MTUS2: variants seen among roughly 807,000 people sequenced by gnomAD.
The protein encoded by MTUS2 is microtubule associated scaffold protein 2, also known as microtubule-associated tumor suppressor candidate 2.
In MTUS2, 40 loss-of-function variants were observed where a neutral mutation model predicts 114.1. The observed-to-expected ratio is 0.35, with a 90% CI of 0.27 to 0.46. The LOEUF (loss-of-function observed/expected upper bound fraction) is 0.46, where lower values mean the gene tolerates loss of function less well. Among genes scored for constraint, MTUS2 ranks in the 20% least tolerant of loss-of-function variants. The probability of loss-of-function intolerance (pLI) is 1.00; values close to 1 mark genes in which losing one functional copy is unlikely to be tolerated. For synonymous variants in MTUS2, 688 were observed against 672.0 expected, an observed-to-expected ratio of 1.02 and a Z score of -0.37; for missense variants, 1,679 against 1,705.4, an observed-to-expected ratio of 0.98 and a Z score of 0.27.
At chr13:28,823,031 A>G (rs1450024336) in intron 1 of MTUS2, among the ~76,000 whole-genome samples, 1 of 151,992 alleles carries the variant, frequency 6.6e-6, no homozygotes, top group African/African-American at 2.4e-5. Flanking sequence ...GGAGGTGGAG[A>G]AGAGTGGAAA....
chr13:29,139,993 C>T (rs1036635263), intron 5 of MTUS2, among the ~76,000 whole-genome samples: 4 of 152,132 alleles, frequency 2.6e-5, no homozygotes, highest in Non-Finnish European at 5.9e-5. Flanking sequence ...AATCGAAACA[C>T]GAGGTTGTCT....
chr13:29,404,701 G>A (rs528582549), intron 8 of MTUS2, among the ~76,000 whole-genome samples: 22 of 152,154 alleles, frequency 1.4e-4, no homozygotes, highest in Non-Finnish European at 2.8e-4. Context: ...TAAACACAAA[G>A]TATAAACAGA....
intron 5 of MTUS2, among the ~76,000 whole-genome samples, chr13:29,134,029 C>T (rs1403257060): frequency 6.6e-6 from 1 of 152,116 alleles, no homozygotes; most frequent in Non-Finnish European, 1.5e-5. Flanking sequence ...CATATGGCTA[C>T]AAATTTGCCC....
intron 8 of MTUS2, among the ~76,000 whole-genome samples, chr13:29,415,712 T>C (rs1416729504): frequency 6.6e-6 from 1 of 152,216 alleles, no homozygotes; most frequent in Admixed American, 6.5e-5. Context: ...GTATAGCTGA[T>C]ATGTTTGGTC....
At chr13:29,105,212 C>T (rs1439293029) in intron 5 of MTUS2, among the ~76,000 whole-genome samples, 1 of 152,198 alleles carries the variant, frequency 6.6e-6, no homozygotes, top group East Asian at 1.9e-4. Flanking sequence ...ATAAGGGATA[C>T]TCAACCTGTA....
chr13:29,116,845 C>T (rs977141517), intron 5 of MTUS2, among the ~76,000 whole-genome samples: 1 of 152,134 alleles, frequency 6.6e-6, no homozygotes, highest in Non-Finnish European at 1.5e-5. Context: ...TTTCATCTTG[C>T]TACTCAGAAT....
chr13:28,984,204 G>A (rs1479670966), intron 2 of MTUS2, among the ~76,000 whole-genome samples: 2 of 152,214 alleles, frequency 1.3e-5, no homozygotes, highest in African/African-American at 4.8e-5. Context: ...TGCTCAGGCA[G>A]GAAGGGAGGG....
chr13:29,197,318 G>T (rs1894744600), intron 5 of MTUS2, among the ~76,000 whole-genome samples: 1 of 152,136 alleles, frequency 6.6e-6, no homozygotes, highest in Non-Finnish European at 1.5e-5. Flanking sequence ...AGAACATGCG[G>T]TGGTTGGTTT....
intron 5 of MTUS2, among the ~76,000 whole-genome samples, chr13:29,185,213 C>G (rs564049556): frequency 6.6e-6 from 1 of 151,764 alleles, no homozygotes; most frequent in East Asian, 1.9e-4. Context: ...GAAGACAGAT[C>G]AATTGAGATT....
At chr13:29,465,675 A>G (rs1017087847) in intron 9 of MTUS2, among the ~76,000 whole-genome samples, 3 of 152,110 alleles carry the variant, frequency 2.0e-5, no homozygotes, top group African/African-American at 7.2e-5. Context: ...CTCACGTCCC[A>G]AAACTCCTCA....
At chr13:28,959,276 G>A (rs1158130435) in intron 2 of MTUS2, among the ~76,000 whole-genome samples, 2 of 152,202 alleles carry the variant, frequency 1.3e-5, no homozygotes, top group Admixed American at 6.5e-5. Context: ...CTGTGCCGGT[G>A]AATGTCACAT....
At chr13:29,414,178 C>A (rs1875469840) in intron 8 of MTUS2, among the ~76,000 whole-genome samples, 1 of 19,360 alleles carries the variant, frequency 5.2e-5, no homozygotes, top group Non-Finnish European at 1.0e-4. Flanking sequence ...AATTGGAAAC[C>A]ATCATTCTCA....
In MTUS2 at chr13:29,503,946, G is replaced by T. The variant is rs1400108726; in HGVS notation, c.*740G>T. 1.7e-5 allele frequency: 4 copies of T among 231,762 alleles called. No homozygotes were observed. The highest frequency in any genetic ancestry group is 2.6e-5 in the Non-Finnish European group (3 of 116,998). The allele number at this position is 231,762 out of a possible 1,614,324, so 14.4% of individuals were successfully genotyped here. ...TCATGAGCGGATAAGGGAGAGCAGTGGGAAACCCTAAGGGGGTTTAGCAGT... is the reference window on the plus strand; with the variant it reads ...TCATGAGCGGATAAGGGAGAGCAGTTGGAAACCCTAAGGGGGTTTAGCAGT... On this transcript the variant is annotated 3_prime_UTR_variant, in exon 16 of 16. Transcript: ENST00000612955.
chr13:29,489,175 G>T (rs1220746228), intron 11 of MTUS2, among the ~76,000 whole-genome samples: 1 of 152,092 alleles, frequency 6.6e-6, no homozygotes, highest in Non-Finnish European at 1.5e-5. Context: ...GGAGGTTGAG[G>T]CAGGAGAATC....
At chr13:29,307,853 C>A in intron 6 of MTUS2, 1 of 647,922 alleles carries the variant, frequency 1.5e-6, no homozygotes. Context: ...CTGGGGGACA[C>A]TTAGTCCCCC....
chr13:29,374,390 A>G (rs1424414851), intron 8 of MTUS2, among the ~76,000 whole-genome samples: 2 of 152,200 alleles, frequency 1.3e-5, no homozygotes, highest in Non-Finnish European at 2.9e-5. Flanking sequence ...TCATATCTAG[A>G]TATATTCTAA....
At chr13:29,239,277 ACT>A (rs1896647573) in intron 5 of MTUS2, 1 of 152,158 alleles carries the variant, frequency 6.6e-6, no homozygotes, top group Non-Finnish European at 1.5e-5. Flanking sequence ...AAGAACACAT[ACT>A]CTCTAAAGCC....
intron 6 of MTUS2, among the ~76,000 whole-genome samples, chr13:29,301,201 A>T (rs1409796445): frequency 1.3e-5 from 2 of 152,136 alleles, no homozygotes; most frequent in Admixed American, 6.5e-5. Flanking sequence ...CATCTTTCAA[A>T]TGCCAGCCTG....
chr13:29,460,568 G>C (rs1448386858), intron 9 of MTUS2, among the ~76,000 whole-genome samples: 2 of 152,154 alleles, frequency 1.3e-5, no homozygotes, highest in African/African-American at 4.8e-5. Context: ...TGCCATCCAT[G>C]TTCTCTCCCT....
Sources: gnomAD v4.1 joint callset for allele counts (sites outside exome capture counted in the v4.1 genomes callset) on GRCh38, gnomAD v4.1.1 for gene constraint, MANE v1.5 for transcripts, NCBI Gene and HGNC (gene_info 2026-07-23, HGNC 2026-07-21) for gene names.